Variants in XKR6 observed in about 807,000 individuals in gnomAD.
XKR6 encodes XK related 6.
Under a neutral mutation model 56.7 loss-of-function variants are expected in XKR6, and 22 were observed. The observed-to-expected ratio is 0.39, with a 90% CI of 0.28 to 0.55. The LOEUF is 0.55. Among genes scored for constraint, XKR6 ranks in the 20% least tolerant of loss-of-function variants. The probability of loss-of-function intolerance (pLI) is 0.66; values close to 1 mark genes in which losing one functional copy is unlikely to be tolerated. For synonymous variants in XKR6, 524 were observed against 387.8 expected, an observed-to-expected ratio of 1.35 and a Z score of -4.13; for missense variants, 852 against 889.0, an observed-to-expected ratio of 0.96 and a Z score of 0.53.
chr8:11,105,651 A>AT (rs1476670626), intron 1 of XKR6: 2 of 152,170 alleles, frequency 1.3e-5, no homozygotes, highest in Admixed American at 6.5e-5. Flanking sequence ...ATTCACGTGG[A>AT]TTTTTTAAAC....
At chr8:11,084,866 G>A (rs993387770) in intron 1 of XKR6, among the ~76,000 whole-genome samples, 8 of 152,120 alleles carry the variant, frequency 5.3e-5, no homozygotes, top group Non-Finnish European at 7.4e-5. Context: ...ACTGTCCATG[G>A]TCTTCCTCAC....
intron 1 of XKR6, among the ~76,000 whole-genome samples, chr8:11,081,053 G>A (rs1797705153): frequency 6.6e-6 from 1 of 152,194 alleles, no homozygotes; most frequent in Admixed American, 6.5e-5. Flanking sequence ...TTTCAATAAA[G>A]GTGAAACCAT....
chr8:11,023,501 G>A (rs1397365027), intron 1 of XKR6, among the ~76,000 whole-genome samples: 1 of 152,110 alleles, frequency 6.6e-6, no homozygotes, highest in East Asian at 1.9e-4. Context: ...TGGGCTCAAG[G>A]GATCCTCCTT....
chr8:11,121,692 C>T (rs1343214382), intron 1 of XKR6, among the ~76,000 whole-genome samples: 1 of 152,170 alleles, frequency 6.6e-6, no homozygotes, highest in African/African-American at 2.4e-5. Flanking sequence ...TGGGTATATA[C>T]CCAAAGGATT....
At chr8:11,069,106 A>G (rs557056689) in intron 1 of XKR6, among the ~76,000 whole-genome samples, 62 of 152,120 alleles carry the variant, frequency 4.1e-4, no homozygotes, top group African/African-American at 1.5e-3. Flanking sequence ...CCGATACCAC[A>G]ATCACTGCCA....
At chr8:10,975,491 G>C (rs1267339081) in intron 1 of XKR6, among the ~76,000 whole-genome samples, 5 of 152,226 alleles carry the variant, frequency 3.3e-5, no homozygotes, top group Non-Finnish European at 4.4e-5. Flanking sequence ...CACTGCGAGA[G>C]TTTCCATGCC....
intron 1 of XKR6, among the ~76,000 whole-genome samples, chr8:10,995,121 C>G (rs1478103889): frequency 6.6e-6 from 1 of 152,178 alleles, no homozygotes; most frequent in East Asian, 1.9e-4. Flanking sequence ...GATTCATGAT[C>G]ACACAGGATG....
intron 1 of XKR6, among the ~76,000 whole-genome samples, chr8:11,052,945 G>A (rs537678359): frequency 1.6e-4 from 24 of 152,348 alleles, no homozygotes; most frequent in Admixed American, 1.3e-3. Context: ...CCCGGCCTGT[G>A]CTGCGTGTCT....
intron 1 of XKR6, among the ~76,000 whole-genome samples, chr8:10,952,446 T>A (rs1272580785): frequency 6.6e-6 from 1 of 152,202 alleles, no homozygotes; most frequent in East Asian, 1.9e-4. Flanking sequence ...TGCATTATTA[T>A]ATTTGTTTTT....
chr8:11,057,939 G>A (rs1335206334), intron 1 of XKR6, among the ~76,000 whole-genome samples: 1 of 152,200 alleles, frequency 6.6e-6, no homozygotes, highest in African/African-American at 2.4e-5. Context: ...TTAAATGAAG[G>A]AAGAGAAAGA....
chr8:10,975,900 C>T (rs532662957), intron 1 of XKR6, among the ~76,000 whole-genome samples: 45 of 152,326 alleles, frequency 3.0e-4, no homozygotes, highest in African/African-American at 9.4e-4. Flanking sequence ...GCGCCCACCA[C>T]GCAGTGGCTC....
At chr8:11,000,908 C>T (rs1423293730) in intron 1 of XKR6, among the ~76,000 whole-genome samples, 2 of 152,146 alleles carry the variant, frequency 1.3e-5, no homozygotes, top group African/African-American at 4.8e-5. Flanking sequence ...GTATATCCCT[C>T]CAGCCATCAA....
intron 1 of XKR6, among the ~76,000 whole-genome samples, chr8:11,018,122 C>G (rs540331232): frequency 1.2e-4 from 18 of 152,310 alleles, no homozygotes; most frequent in Middle Eastern, 3.4e-3. Flanking sequence ...AAGGGTTACG[C>G]TGCTGTCAGC....
intron 1 of XKR6, among the ~76,000 whole-genome samples, chr8:11,020,604 G>T (rs1368031666): frequency 2.0e-5 from 3 of 152,142 alleles, no homozygotes; most frequent in African/African-American, 7.2e-5. Flanking sequence ...TTCCAAGAAG[G>T]GAACACCCCA....
At chr8:11,175,280 G>A (rs778216060) in intron 1 of XKR6, 2 of 152,728 alleles carry the variant, frequency 1.3e-5, no homozygotes, top group African/African-American at 2.4e-5. Context: ...GCTGGACACA[G>A]GTGAACTTTT....
intron 1 of XKR6, among the ~76,000 whole-genome samples, chr8:11,155,457 G>C (rs928641795): frequency 3.3e-5 from 5 of 152,110 alleles, no homozygotes; most frequent in Non-Finnish European, 5.9e-5. Context: ...AATTAATAAA[G>C]ACTTCACAAC....
At chr8:10,903,529 T>G (rs975282079) in intron 2 of XKR6, among the ~76,000 whole-genome samples, 3 of 152,096 alleles carry the variant, frequency 2.0e-5, no homozygotes, top group Admixed American at 2.0e-4. Context: ...ATCCATATGC[T>G]GAAGCTCTAA....
chr8:11,135,155 GAGTAGCTGGGACTAC>G (rs1800320867), intron 1 of XKR6, among the ~76,000 whole-genome samples: 1 of 151,064 alleles, frequency 6.6e-6, no homozygotes, highest in East Asian at 1.9e-4. Context: ...TCAGCCTCCC[GAGTAGCTGGGACTAC>G]AGGCGCCCAC....
At chr8:10,997,150 C>T (rs777218180) in intron 1 of XKR6, among the ~76,000 whole-genome samples, 3 of 152,208 alleles carry the variant, frequency 2.0e-5, no homozygotes, top group East Asian at 1.9e-4. Flanking sequence ...GTACAACCTT[C>T]GTAGCTTTTA....
Sources: gnomAD v4.1 joint callset for allele counts (sites outside exome capture counted in the v4.1 genomes callset) on GRCh38, gnomAD v4.1.1 for gene constraint, MANE v1.5 for transcripts, NCBI Gene and HGNC (gene_info 2026-07-23, HGNC 2026-07-21) for gene names.